The following OPHN1 variants were observed in gnomAD, a reference collection of about 807,000 sequenced individuals.
OPHN1 encodes oligophrenin 1.
In OPHN1, 11 loss-of-function variants were observed where a neutral mutation model predicts 60.7. That is an observed-to-expected ratio of 0.18 (90% CI 0.11 to 0.30). The LOEUF (loss-of-function observed/expected upper bound fraction) is 0.30, where lower values mean the gene tolerates loss of function less well. Ranked by LOEUF, OPHN1 falls within the 10% of genes least tolerant of loss-of-function variation. The pLI, the probability that OPHN1 is intolerant of heterozygous loss-of-function variation, is 1.00. For missense variants in OPHN1, 449 were observed against 611.0 expected (o/e 0.73, Z 2.80); for synonymous variants, 226 against 222.6 (o/e 1.02, Z -0.14).
chrX:68,386,533 T>C (rs1876406801), intron 2 of OPHN1, among the ~76,000 whole-genome samples: 1 of 111,844 alleles, frequency 8.9e-6, no homozygotes, highest in Non-Finnish European at 1.9e-5. Flanking sequence ...TCCAAGAATA[T>C]AGCGTAGAGT....
chrX:68,410,822 C>T (rs1381257670), intron 2 of OPHN1, among the ~76,000 whole-genome samples: 1 of 111,724 alleles, frequency 9.0e-6, no homozygotes, highest in Non-Finnish European at 1.9e-5. Flanking sequence ...TATTTGTACA[C>T]TCATATTCAC....
chrX:68,169,244 A>G (rs1203338679), intron 15 of OPHN1, among the ~76,000 whole-genome samples: 2 of 111,543 alleles, frequency 1.8e-5, no homozygotes, highest in Non-Finnish European at 3.8e-5. Flanking sequence ...GAACTCTTCA[A>G]GGAGAACTAC....
At chrX:68,196,910 C>T (rs1361996806) in intron 12 of OPHN1, among the ~76,000 whole-genome samples, 1 of 111,856 alleles carries the variant, frequency 8.9e-6, no homozygotes, top group Non-Finnish European at 1.9e-5. Flanking sequence ...ATGGGCATAG[C>T]TACATAGTCT....
intron 3 of OPHN1, among the ~76,000 whole-genome samples, chrX:68,288,682 T>C (rs1325912809): frequency 9.0e-6 from 1 of 110,768 alleles, no homozygotes; most frequent in Admixed American, 9.6e-5. Flanking sequence ...GAGAATTGCT[T>C]GAACCCAGGA....
chrX:68,272,244 G>A (rs1435851499), intron 5 of OPHN1, among the ~76,000 whole-genome samples: 3 of 111,207 alleles, frequency 2.7e-5, no homozygotes, highest in Non-Finnish European at 5.7e-5. Context: ...CTTCTTTGTA[G>A]ATATGCAGGT....
intron 3 of OPHN1, among the ~76,000 whole-genome samples, chrX:68,289,448 T>C (rs1392297081): frequency 1.8e-5 from 2 of 112,579 alleles, no homozygotes; most frequent in Non-Finnish European, 3.7e-5. Context: ...TACAGTGTTA[T>C]GCACTGTCTT....
chrX:68,052,505 G>A (rs1462683804), intron 23 of OPHN1, 35 bp downstream of exon 23: 3 of 1,166,738 alleles, frequency 2.6e-6, no homozygotes, highest in African/African-American at 1.8e-5. Flanking sequence ...ATTAAAAGGC[G>A]ATTTGGTTTT....
intron 8 of OPHN1, among the ~76,000 whole-genome samples, chrX:68,210,538 C>A (rs773720108): frequency 1.1e-3 from 119 of 111,775 alleles, no homozygotes; most frequent in African/African-American, 3.8e-3. Flanking sequence ...TTTACTAATA[C>A]GAATCACATA....
intron 16 of OPHN1, among the ~76,000 whole-genome samples, chrX:68,116,125 G>A (rs1218607619): frequency 9.0e-6 from 1 of 111,470 alleles, no homozygotes; most frequent in Non-Finnish European, 1.9e-5. Context: ...TTGTGTGGAG[G>A]AATCTCTCAG....
chrX:68,358,432 C>T (rs2078453772), intron 2 of OPHN1, among the ~76,000 whole-genome samples: 1 of 111,578 alleles, frequency 9.0e-6, no homozygotes, highest in Admixed American at 9.6e-5. Context: ...GCTCGTTTTC[C>T]TAGATATCTT....
chrX:68,213,856 A>G lies in OPHN1; in HGVS notation c.597+6T>C. Reference sequence around the variant, plus strand: ...TTTAGACCATTCATCAACAGAGAAAACTTACAGGCTCCACAATATTGAACT... The same window carrying G: ...TTTAGACCATTCATCAACAGAGAAAGCTTACAGGCTCCACAATATTGAACT... On this transcript the variant is annotated splice_donor_region_variant and intron_variant, in intron 7 of 24. Transcript: ENST00000355520. The G allele has an allele frequency of 9.0e-7, 1 of 1,105,771 alleles. No homozygotes were observed. Among genetic ancestry groups the G allele is most frequent in the Non-Finnish European group, 1.2e-6 (1 of 801,114 alleles). The allele number at this position is 1,105,771 out of a possible 1,213,427, so 91.1% of individuals were successfully genotyped here.
chrX:68,288,311 C>T (rs754683829), intron 3 of OPHN1, among the ~76,000 whole-genome samples: 46 of 111,389 alleles, frequency 4.1e-4, no homozygotes, highest in Non-Finnish European at 7.9e-4. Flanking sequence ...AAAAGAGGAC[C>T]CCATTTCAAT....
At chrX:68,397,488 G>A (rs1226622267) in intron 2 of OPHN1, among the ~76,000 whole-genome samples, 2 of 65,457 alleles carry the variant, frequency 3.1e-5, no homozygotes, top group Non-Finnish European at 6.0e-5. Context: ...GGTCTGTTAT[G>A]TTAGGTTGAC....
Position 68,053,810 on chromosome X carries a change from C to G in OPHN1, c.2159G>C (p.Gly720Ala). ...CACTTTGCTGAAACTGTCAGCATCCCCTGGAAGAGAAAATGATACCAGGAA... is the reference window on the plus strand; with the variant it reads ...CACTTTGCTGAAACTGTCAGCATCCGCTGGAAGAGAAAATGATACCAGGAA... ...APRPLAHHKE[G>A]DADSFSKVRP... The change falls in exon 22 of 25, where the codon GGG (glycine) becomes GCG (alanine). Residue 720 changes from glycine to alanine, a missense_variant and splice_region_variant. Physicochemically the swap from Gly to Ala is moderately conservative, Grantham distance 60. Transcript: ENST00000355520. 8.3e-7 allele frequency: 1 copy of G among 1,208,426 alleles called. No individual in the cohort carries two copies. The highest frequency in any genetic ancestry group is 1.1e-6 in the Non-Finnish European group (1 of 894,422).
intron 6 of OPHN1, among the ~76,000 whole-genome samples, chrX:68,233,476 T>C (rs1424083940): frequency 1.8e-5 from 2 of 111,672 alleles, no homozygotes; most frequent in Non-Finnish European, 3.8e-5. Context: ...AAATTCTCAA[T>C]CAGTTTATTC....
intron 4 of OPHN1, among the ~76,000 whole-genome samples, chrX:68,278,007 C>T (rs183890913): frequency 3.6e-5 from 4 of 111,632 alleles, no homozygotes; most frequent in Non-Finnish European, 7.5e-5. Flanking sequence ...GTGTCAGCAA[C>T]TTCTCTCACA....
chrX:68,111,617 G>A (rs2077104243), intron 18 of OPHN1, among the ~76,000 whole-genome samples: 1 of 111,785 alleles, frequency 8.9e-6, no homozygotes, highest in Non-Finnish European at 1.9e-5. Context: ...CAAAGCCTGT[G>A]TCCACCCCAC....
intron 2 of OPHN1, among the ~76,000 whole-genome samples, chrX:68,365,276 C>T (rs2078492321): frequency 9.2e-6 from 1 of 108,821 alleles, no homozygotes; most frequent in Non-Finnish European, 1.9e-5. Flanking sequence ...TAGGAGTTTG[C>T]TAGGTACAAA....
intron 4 of OPHN1, 97 bp from the exon 5 acceptor site, chrX:68,274,906 G>A (rs1440614331): frequency 6.8e-6 from 4 of 588,307 alleles, no homozygotes; most frequent in Non-Finnish European, 1.1e-5. Flanking sequence ...ATACCAACCT[G>A]CAAAATGTTA....
Sources: allele counts gnomAD v4.1 joint callset (sites outside exome capture counted in the v4.1 genomes callset), GRCh38; gene constraint gnomAD v4.1.1; transcripts MANE v1.5; gene names NCBI Gene and HGNC (gene_info 2026-07-23, HGNC 2026-07-21).